Variants in SCAPER observed in about 807,000 individuals in gnomAD.
The protein encoded by SCAPER is S-phase cyclin A associated protein in the ER, also known as S phase cyclin A-associated protein in the endoplasmic reticulum.
Under a neutral mutation model 182.2 loss-of-function variants are expected in SCAPER, and 98 were observed. The ratio of observed to expected loss-of-function variants is 0.54; its 90% CI spans 0.46 to 0.64. The LOEUF is 0.64. Ranked by LOEUF, SCAPER falls within the 30% of genes least tolerant of loss-of-function variation. The pLI, the probability that SCAPER is intolerant of heterozygous loss-of-function variation, is 0.00. For missense variants in SCAPER, 1,432 were observed against 1,690.0 expected (o/e 0.85, Z 2.68); for synonymous variants, 605 against 564.6 (o/e 1.07, Z -1.01).
intron 27 of SCAPER, among the ~76,000 whole-genome samples, chr15:76,403,870 C>T (rs2044635844): frequency 6.6e-6 from 1 of 152,056 alleles, no homozygotes; most frequent in South Asian, 2.1e-4. Flanking sequence ...TACTTGTGTC[C>T]TTCCTAGAGA....
chr15:76,635,348 G>T (rs2053499593), intron 21 of SCAPER, among the ~76,000 whole-genome samples: 2 of 152,146 alleles, frequency 1.3e-5, no homozygotes, highest in South Asian at 4.1e-4. Flanking sequence ...GATGTGGGAG[G>T]AAACCAGAGT....
At chr15:76,752,147 T>G (rs2062126138) in intron 15 of SCAPER, among the ~76,000 whole-genome samples, 1 of 151,236 alleles carries the variant, frequency 6.6e-6, no homozygotes, top group African/African-American at 2.4e-5. Flanking sequence ...ACATCACTAA[T>G]CATTAGAGAA....
At chr15:76,447,905 A>G (rs1303704127) in intron 25 of SCAPER, among the ~76,000 whole-genome samples, 1 of 152,192 alleles carries the variant, frequency 6.6e-6, no homozygotes, top group Non-Finnish European at 1.5e-5. Flanking sequence ...ACAGGTGCAA[A>G]GTGCAGTGCC....
Position 76,665,870 on chromosome 15 carries a change from T to C in SCAPER, c.2509-81A>G, listed in dbSNP as rs1459640009. ...TAGGATTGCTATAGACTACAGTGAG[T>C]TTAAGACATTTGATGAAACTAAAAG... On this transcript the variant is annotated intron_variant, in intron 20 of 31. Coordinates refer to ENST00000563290, the MANE Select transcript of SCAPER (RefSeq NM_020843.4). 3.4e-6 allele frequency: 4 copies of C among 1,180,538 alleles called. No individual in the cohort carries two copies. The African/African-American group carries it at 6.2e-5, about 18-fold the overall frequency. The allele number at this position is 1,180,538 out of a possible 1,614,324, so 73.1% of individuals were successfully genotyped here. A position where few individuals can be genotyped will look rare whatever the true frequency, so the allele number is the denominator to read the frequency against.
At chr15:76,786,323 T>A (rs543518158) in intron 8 of SCAPER, among the ~76,000 whole-genome samples, 1 of 63,644 alleles carries the variant, frequency 1.6e-5, no homozygotes, top group African/African-American at 4.3e-5. Context: ...CAAGACTCTG[T>A]CTCAAAAAAA....
At chr15:76,671,789 G>C (rs928141457) in intron 20 of SCAPER, among the ~76,000 whole-genome samples, 3 of 151,798 alleles carry the variant, frequency 2.0e-5, no homozygotes, top group Non-Finnish European at 2.9e-5. Flanking sequence ...AAAGAAGTGA[G>C]GGTGGACAAA....
intron 23 of SCAPER, among the ~76,000 whole-genome samples, chr15:76,525,457 G>A (rs1261423777): frequency 6.6e-6 from 1 of 152,054 alleles, no homozygotes; most frequent in East Asian, 1.9e-4. Context: ...TGATGCTGAG[G>A]TTGAGCCCAT....
chr15:76,429,078 G>A (rs2046674939), intron 26 of SCAPER, among the ~76,000 whole-genome samples: 1 of 151,348 alleles, frequency 6.6e-6, no homozygotes, highest in African/African-American at 2.4e-5. Context: ...GAGATCTGGT[G>A]GCTTTTTATA....
chr15:76,846,484 A>T (rs1238968438), intron 4 of SCAPER, among the ~76,000 whole-genome samples: 3 of 152,226 alleles, frequency 2.0e-5, no homozygotes, highest in African/African-American at 7.2e-5. Context: ...ATATATAAGG[A>T]GCTAAAACAA....
chr15:76,769,045 T>C (rs1442606083), intron 10 of SCAPER, among the ~76,000 whole-genome samples: 1 of 151,896 alleles, frequency 6.6e-6, no homozygotes, highest in Non-Finnish European at 1.5e-5. Flanking sequence ...ATCATCAGAG[T>C]GAACAGGCAA....
chr15:76,809,427 C>A (rs1243977525), intron 5 of SCAPER, among the ~76,000 whole-genome samples: 2 of 151,716 alleles, frequency 1.3e-5, no homozygotes, highest in Non-Finnish European at 2.9e-5. Flanking sequence ...CAAAAAGTAC[C>A]AAACAGAGAT....
At chr15:76,526,960 C>G (rs1331736225) in intron 23 of SCAPER, among the ~76,000 whole-genome samples, 1 of 151,992 alleles carries the variant, frequency 6.6e-6, no homozygotes, top group East Asian at 1.9e-4. Flanking sequence ...CAACCTCTAC[C>G]TCCCGTGTTC....
chr15:76,776,233 T>C (rs1418234405), intron 8 of SCAPER, among the ~76,000 whole-genome samples: 2 of 152,074 alleles, frequency 1.3e-5, no homozygotes, highest in South Asian at 2.1e-4. Flanking sequence ...AAGAAATGCC[T>C]CTTTTGCCAA....
In SCAPER at chr15:76,767,081, G is replaced by A; in HGVS notation, c.1256C>T (p.Ala419Val). Residue 419 changes from alanine to valine, a missense_variant, in exon 11 of 32, where the codon GCA (alanine) becomes GTA (valine). This residue lies in a region of SCAPER where 18 missense variants were observed against 46.0 expected (regional missense o/e 0.39). Transcript: ENST00000563290. Reference sequence around the variant, plus strand: ...CTCTTCTTTTTTAGCAAGGACTTCTGCCATGGACTATAAAGTTAAAAACAC... The same window carrying A: ...CTCTTCTTTTTTAGCAAGGACTTCTACCATGGACTATAAAGTTAAAAACAC... ...MDPSDISNSM[A>V]EVLAKKEELA... is the part of the protein sequence containing the mutation. 1 of 1,581,936 alleles carries A rather than the reference G, an allele frequency of 6.3e-7. No individual in the cohort carries two copies.
rs531877328 is a variant in SCAPER at position 76,362,225 on chromosome 15, G to A, written c.3856-8085C>T. Among the ~76,000 whole-genome samples, 11 of 151,802 alleles carry A rather than the reference G, an allele frequency of 7.2e-5. 1 individual carries two copies. The highest frequency in any genetic ancestry group is 7.2e-4 in the Admixed American group (11 of 15,226). ...TGATCTCAGGTGATCCACCCGCCTC[G>A]GCCTCCCAAAGTGCTGAGATTACAA... is the stretch of plus-strand genomic sequence containing the variant. On this transcript the variant is annotated intron_variant, in intron 29 of 31. Transcript: ENST00000563290.
Position 76,850,440 on chromosome 15 carries a change from G to C in SCAPER, c.195+7369C>G, listed in dbSNP as rs140854754. 1.6e-4 allele frequency among the ~76,000 whole-genome samples: 25 copies of C among 152,166 alleles called. 1 individual carries two copies. The East Asian group carries it at 4.8e-3, about 29-fold the overall frequency. ...GTTTCCCTGGGAAGAGGCTCCCAAA[G>C]GCACACAGAGAAAAGAAAGAACCAA... On this transcript the variant is annotated intron_variant, in intron 4 of 31. Transcript: ENST00000563290.
chr15:76,902,209 G>A (rs909194742), intron 1 of SCAPER, among the ~76,000 whole-genome samples: 1 of 152,222 alleles, frequency 6.6e-6, no homozygotes, highest in African/African-American at 2.4e-5. Context: ...CACGGATAGA[G>A]CTGGAGACCA....
intron 23 of SCAPER, among the ~76,000 whole-genome samples, chr15:76,561,484 AT>A (rs974155753): frequency 3.2e-4 from 49 of 151,842 alleles, no homozygotes; most frequent in East Asian, 2.1e-3. Flanking sequence ...GATTATAAAA[AT>A]TTTTTTTTAA....
At chr15:76,872,210 G>A (rs980283087) in intron 2 of SCAPER, among the ~76,000 whole-genome samples, 18 of 151,880 alleles carry the variant, frequency 1.2e-4, no homozygotes, top group African/African-American at 4.4e-4. Flanking sequence ...AAACATATAA[G>A]ACACAGTGAA....
Sources: gnomAD v4.1 joint callset for allele counts (sites outside exome capture counted in the v4.1 genomes callset) on GRCh38, gnomAD v4.1.1 for gene constraint, gnomAD v4.1.1 regional missense constraint, MANE v1.5 for transcripts, NCBI Gene and HGNC (gene_info 2026-07-23, HGNC 2026-07-21) for gene names.